The following TUFT1 variants were observed in gnomAD, a reference collection of about 807,000 sequenced individuals.
TUFT1 encodes tuftelin 1, also known as tuftelin.
Under a neutral mutation model 57.8 loss-of-function variants are expected in TUFT1, and 43 were observed. That is an observed-to-expected ratio of 0.74 (90% CI 0.58 to 0.96). The LOEUF (loss-of-function observed/expected upper bound fraction) is 0.96, where lower values mean the gene tolerates loss of function less well. Among genes scored for constraint, TUFT1 ranks in the 40% least tolerant of loss-of-function variants. The pLI, the probability that TUFT1 is intolerant of heterozygous loss-of-function variation, is 0.00. For synonymous variants in TUFT1, 166 were observed against 176.7 expected (o/e 0.94, Z 0.48); for missense variants, 459 against 489.0 (o/e 0.94, Z 0.58).
At chr1:151,548,846 G>A (rs1665424732) in intron 1 of TUFT1, among the ~76,000 whole-genome samples, 1 of 152,182 alleles carries the variant, frequency 6.6e-6, no homozygotes, top group East Asian at 1.9e-4. Context: ...GTAAAACCTG[G>A]GGAGTGAGAG....
chr1:151,581,300 A>G (rs1166086155), intron 12 of TUFT1, among the ~76,000 whole-genome samples: 5 of 152,122 alleles, frequency 3.3e-5, no homozygotes, highest in Non-Finnish European at 1.5e-5. Context: ...ATTTAGTTAT[A>G]ATGTTTGCAT....
intron 1 of TUFT1, among the ~76,000 whole-genome samples, chr1:151,555,344 A>T (rs1665656377): frequency 6.6e-6 from 1 of 151,058 alleles, no homozygotes; most frequent in African/African-American, 2.4e-5. Context: ...AAAAAAAAAA[A>T]TTATAAGGCA....
intron 7 of TUFT1, among the ~76,000 whole-genome samples, chr1:151,572,125 C>T (rs963861404): frequency 1.3e-5 from 2 of 152,154 alleles, no homozygotes; most frequent in Non-Finnish European, 2.9e-5. Flanking sequence ...TTTTGGAGCC[C>T]AGGAGGTGGA....
intron 9 of TUFT1, among the ~76,000 whole-genome samples, chr1:151,578,465 A>G (rs1315300738): frequency 2.0e-5 from 3 of 152,110 alleles, no homozygotes; most frequent in Admixed American, 2.0e-4. Context: ...ACACGCCACC[A>G]CACTTGGCTA....
At chr1:151,550,097 C>G (rs2102521920) in intron 1 of TUFT1, among the ~76,000 whole-genome samples, 1 of 152,176 alleles carries the variant, frequency 6.6e-6, no homozygotes, top group South Asian at 2.1e-4. Context: ...GCACCTCTCT[C>G]CTTATCTCCC....
intron 6 of TUFT1, among the ~76,000 whole-genome samples, chr1:151,569,376 G>A (rs563620441): frequency 6.6e-6 from 1 of 152,150 alleles, no homozygotes; most frequent in Non-Finnish European, 1.5e-5. Flanking sequence ...CCAAGAAATC[G>A]ATTAGTGGAT....
intron 7 of TUFT1, among the ~76,000 whole-genome samples, chr1:151,573,556 C>A (rs959225111): frequency 6.6e-6 from 1 of 152,166 alleles, no homozygotes; most frequent in Non-Finnish European, 1.5e-5. Flanking sequence ...AGCAGCCTGA[C>A]CAACATGGAT....
chr1:151,578,737 A>G lies in TUFT1; in HGVS notation c.835A>G (p.Lys279Glu), dbSNP rs1175157516. The change falls in exon 10 of 13, where the codon AAG (lysine) becomes GAG (glutamate). Residue 279 changes from lysine to glutamate, a missense_variant. Transcript: ENST00000368849. ...TATCCCCAGGGCTGCTACCCTGGAA[A>G]AGGAAGTGGCCGGGTTGCGGGAGAA... ...AEREKAATLEKEVAGLREKIH... is the reference protein window; with the variant it reads ...AEREKAATLEEEVAGLREKIH... 4 of 1,574,082 alleles carry G rather than the reference A, an allele frequency of 2.5e-6. No homozygotes were observed. Among genetic ancestry groups the G allele is most frequent in the Non-Finnish European group, 3.5e-6 (4 of 1,158,342 alleles).
At chr1:151,576,920 T>A (rs927788879) in intron 9 of TUFT1, among the ~76,000 whole-genome samples, 1 of 152,130 alleles carries the variant, frequency 6.6e-6, no homozygotes, top group African/African-American at 2.4e-5. Flanking sequence ...CCACCGCGCC[T>A]GGACTACTTA....
chr1:151,579,540 A>G, intron 10 of TUFT1, 109 bp from the exon 11 acceptor site: 1 of 981,762 alleles, frequency 1.0e-6, no homozygotes. Context: ...TAATGAAGTC[A>G]TATGGAGTTG....
chr1:151,563,510 C>T (rs895749543), intron 3 of TUFT1, among the ~76,000 whole-genome samples: 2 of 152,168 alleles, frequency 1.3e-5, no homozygotes, highest in Non-Finnish European at 2.9e-5. Flanking sequence ...CAATAGGGTA[C>T]ACCATACAGC....
chr1:151,581,189 C>A, intron 12 of TUFT1, 147 bp downstream of exon 12: 1 of 758,672 alleles, frequency 1.3e-6, no homozygotes. Flanking sequence ...TTTGCCGGAA[C>A]CATTTTCTAG....
chr1:151,580,655 C>G (rs1164108769), intron 11 of TUFT1, among the ~76,000 whole-genome samples: 1 of 119,326 alleles, frequency 8.4e-6, no homozygotes. Context: ...GAGTGAGACC[C>G]TATCTCAAAA....
At chr1:151,579,866 T>C (rs1666589025) in intron 11 of TUFT1, 134 bp downstream of exon 11, 1 of 863,884 alleles carries the variant, frequency 1.2e-6, no homozygotes, top group South Asian at 1.7e-5. Context: ...GGGTGGTTGG[T>C]TGACTTTCAG....
At chr1:151,544,705 C>A (rs1665278556) in intron 1 of TUFT1, among the ~76,000 whole-genome samples, 1 of 152,132 alleles carries the variant, frequency 6.6e-6, no homozygotes, top group Admixed American at 6.5e-5. Context: ...TTTAAAGTAT[C>A]AAAGTATCAA....
intron 11 of TUFT1, among the ~76,000 whole-genome samples, chr1:151,580,103 T>C (rs1666596318): frequency 6.6e-6 from 1 of 152,178 alleles, no homozygotes; most frequent in Non-Finnish European, 1.5e-5. Flanking sequence ...TTTCCAGGGC[T>C]AGATTACGTA....
intron 1 of TUFT1, among the ~76,000 whole-genome samples, chr1:151,560,228 C>T (rs1558006899): frequency 6.6e-6 from 1 of 151,394 alleles, no homozygotes; most frequent in African/African-American, 2.4e-5. Flanking sequence ...CCAGCCTGGC[C>T]AATGTGGCGA....
At chr1:151,563,780 C>A in intron 3 of TUFT1, 124 bp from the exon 4 acceptor site, 1 of 800,448 alleles carries the variant, frequency 1.2e-6, no homozygotes, top group Non-Finnish European at 2.1e-6. Flanking sequence ...ATCCGAATCA[C>A]CAAATTCCAC....
chr1:151,578,703 T>C lies in TUFT1; in HGVS notation c.819-18T>C, dbSNP rs1666556312. 6.5e-7 allele frequency: 1 copy of C among 1,545,146 alleles called. No homozygotes were observed. Among genetic ancestry groups the C allele is most frequent in the Non-Finnish European group, 8.8e-7 (1 of 1,142,476 alleles). On this transcript the variant is annotated intron_variant, in intron 9 of 12. Coordinates refer to ENST00000368849, the MANE Select transcript of TUFT1 (RefSeq NM_020127.3). Reference sequence around the variant, plus strand: ...TGATCTTGTTCCATTGCCTCAGCCTTCTGGTCTTTATCCCCAGGGCTGCTA... The same window carrying C: ...TGATCTTGTTCCATTGCCTCAGCCTCCTGGTCTTTATCCCCAGGGCTGCTA...
Sources: allele counts gnomAD v4.1 joint callset (sites outside exome capture counted in the v4.1 genomes callset), GRCh38; gene constraint gnomAD v4.1.1; transcripts MANE v1.5; gene names NCBI Gene and HGNC (gene_info 2026-07-23, HGNC 2026-07-21).